ASH1L: variants seen among roughly 807,000 people sequenced by gnomAD.
The protein encoded by ASH1L is histone-lysine N-methyltransferase ASH1L.
Under a neutral mutation model 269.0 loss-of-function variants are expected in ASH1L, and 23 were observed. The ratio of observed to expected loss-of-function variants is 0.09; its 90% CI spans 0.06 to 0.12. The LOEUF is 0.12. Ranked by LOEUF, ASH1L falls within the 10% of genes least tolerant of loss-of-function variation. The pLI is 1.00. For synonymous variants in ASH1L, 1,187 were observed against 1,253.5 expected, an observed-to-expected ratio of 0.95 and a Z score of 1.12; for missense variants, 2,912 against 3,567.8, an observed-to-expected ratio of 0.82 and a Z score of 4.68.
In ASH1L at chr1:155,439,020, T is replaced by G; in HGVS notation, c.5135A>C (p.Asp1712Ala). The G allele has an allele frequency of 6.2e-7, 1 of 1,613,734 alleles. No individual in the cohort carries two copies. Among genetic ancestry groups the G allele is most frequent in the Non-Finnish European group, 8.5e-7 (1 of 1,179,836 alleles). The change falls in exon 5 of 28, where the codon GAC becomes GCC. Residue 1712 changes from aspartate (D) to alanine (A), a missense_variant. By Grantham distance (126) the Asp-to-Ala change is moderately radical (BLOSUM62 -2). Around this residue, in one of 13 missense-constraint regions of ASH1L, gnomAD observed 789 missense variants for 897.6 expected, o/e 0.88. Transcript: ENST00000392403. ...CCGCTGCAGCAGACTATCCACAGAG[T>G]CATCCCCAGAAGCAACTAATCTTGG... The part of the protein sequence containing the change: ...RSPRLVASGD[D>A]SVDSLLQRMV...
intron 5 of ASH1L, among the ~76,000 whole-genome samples, chr1:155,434,681 T>A (rs1661935972): frequency 6.6e-6 from 1 of 151,838 alleles, no homozygotes; most frequent in African/African-American, 2.4e-5. Flanking sequence ...TAAAAACCCG[T>A]CTCTACTAAA....
chr1:155,562,513 C>T lies in ASH1L; in HGVS notation c.-460G>A, dbSNP rs1235401120. Reference sequence around the variant, plus strand: ...GGAGGGAGCGAAGGGCGCCTAGCGCCCCCCTCAACCTTCCACTCCTTCCTC... The same window carrying T: ...GGAGGGAGCGAAGGGCGCCTAGCGCTCCCCTCAACCTTCCACTCCTTCCTC... On this transcript the variant is annotated 5_prime_UTR_variant, in exon 1 of 28. Coordinates refer to ENST00000392403, the MANE Select transcript of ASH1L (RefSeq NM_018489.3). 8.6e-6 allele frequency: 13 copies of T among 1,505,862 alleles called. No homozygotes were observed. The highest frequency in any genetic ancestry group is 1.1e-5 in the Non-Finnish European group (12 of 1,118,154). The allele number at this position is 1,505,862 out of a possible 1,614,324, so 93.3% of individuals were successfully genotyped here.
At chr1:155,339,404 AG>A (rs754719148) in intron 25 of ASH1L, 36 bp from the exon 26 acceptor site, 2 of 1,604,024 alleles carry the variant, frequency 1.2e-6, no homozygotes, top group African/African-American at 2.7e-5. Context: ...AGCATATTGT[AG>A]AAGCTGGGAG....
intron 13 of ASH1L, among the ~76,000 whole-genome samples, chr1:155,358,540 T>C (rs1042011419): frequency 9.9e-5 from 15 of 151,736 alleles, no homozygotes; most frequent in African/African-American, 3.4e-4. Flanking sequence ...TACAAAAAAT[T>C]AGCTGGGTGT....
chr1:155,379,503 C>A (rs1317686742), intron 8 of ASH1L, among the ~76,000 whole-genome samples: 1 of 152,082 alleles, frequency 6.6e-6, no homozygotes, highest in African/African-American at 2.4e-5. Flanking sequence ...AAAATCACTA[C>A]GGGAAACTTT....
chr1:155,452,730 T>C (rs1242496620), intron 4 of ASH1L, among the ~76,000 whole-genome samples: 1 of 152,044 alleles, frequency 6.6e-6, no homozygotes, highest in African/African-American at 2.4e-5. Flanking sequence ...AATTTATATG[T>C]GTTTTTAGTA....
chr1:155,369,519 C>A (rs1226643262), intron 12 of ASH1L, among the ~76,000 whole-genome samples: 4 of 151,802 alleles, frequency 2.6e-5, no homozygotes, highest in Admixed American at 1.3e-4. Flanking sequence ...TAACAAAAAA[C>A]CCCAAAGTTG....
chr1:155,470,095 C>T (rs1664984938), intron 3 of ASH1L, among the ~76,000 whole-genome samples: 1 of 152,182 alleles, frequency 6.6e-6, no homozygotes, highest in Non-Finnish European at 1.5e-5. Context: ...CTCCCTCCTC[C>T]TTCCCAAGAC....
At chr1:155,430,986 G>A (rs983784728) in intron 5 of ASH1L, among the ~76,000 whole-genome samples, 1 of 151,882 alleles carries the variant, frequency 6.6e-6, no homozygotes, top group Admixed American at 6.6e-5. Context: ...AGGCCAAGGT[G>A]GGCAGACTTG....
At chr1:155,496,224 CACAA>C (rs761670312) in intron 2 of ASH1L, among the ~76,000 whole-genome samples, 1 of 151,882 alleles carries the variant, frequency 6.6e-6, no homozygotes, top group Non-Finnish European at 1.5e-5. Context: ...AAAACTAAAA[CACAA>C]ACAAACATTA....
intron 5 of ASH1L, among the ~76,000 whole-genome samples, chr1:155,437,317 T>C (rs1046082456): frequency 1.3e-5 from 2 of 152,288 alleles, no homozygotes; most frequent in Non-Finnish European, 2.9e-5. Flanking sequence ...TCTCTAAAGA[T>C]ACATAAATGG....
chr1:155,407,489 T>G (rs1558071932), intron 6 of ASH1L, among the ~76,000 whole-genome samples: 1 of 152,222 alleles, frequency 6.6e-6, no homozygotes, highest in Non-Finnish European at 1.5e-5. Flanking sequence ...ATTTATTCAC[T>G]GGGCATTATC....
intron 4 of ASH1L, among the ~76,000 whole-genome samples, chr1:155,445,884 G>C (rs956246958): frequency 3.3e-5 from 5 of 151,926 alleles, no homozygotes; most frequent in African/African-American, 1.2e-4. Context: ...GTTTGTGTGT[G>C]TGTACATTTT....
At chr1:155,527,081 G>T (rs569828512) in intron 1 of ASH1L, among the ~76,000 whole-genome samples, 4 of 152,214 alleles carry the variant, frequency 2.6e-5, no homozygotes, top group African/African-American at 9.6e-5. Context: ...GGTGGCGCAT[G>T]CCTGTAATCC....
chr1:155,513,038 G>A (rs1217944646), intron 2 of ASH1L, among the ~76,000 whole-genome samples: 1 of 151,642 alleles, frequency 6.6e-6, no homozygotes, highest in African/African-American at 2.4e-5. Flanking sequence ...CTCCAACCTA[G>A]GCAATAGCAA....
intron 2 of ASH1L, among the ~76,000 whole-genome samples, chr1:155,513,389 G>C (rs909230921): frequency 6.6e-6 from 1 of 151,854 alleles, no homozygotes; most frequent in Non-Finnish European, 1.5e-5. Flanking sequence ...GGGCAACATG[G>C]TGAAACCCCC....
At chr1:155,358,550 T>C (rs1456781155) in intron 13 of ASH1L, among the ~76,000 whole-genome samples, 1 of 151,844 alleles carries the variant, frequency 6.6e-6, no homozygotes, top group Non-Finnish European at 1.5e-5. Flanking sequence ...TAGCTGGGTG[T>C]GGTGACAGGC....
At position 155,368,648 on chromosome 1, in the gene ASH1L, G is replaced by T. The variant is rs191408730; in HGVS notation, c.6686+1856C>A. 1.1e-3 allele frequency among the ~76,000 whole-genome samples: 168 copies of T among 151,762 alleles called. 1 individual carries two copies. The highest frequency in any genetic ancestry group is 4.0e-3 in the African/African-American group (164 of 41,396). The stretch of plus-strand genomic sequence containing the variant: ...ATTTTTGTATTTTTGGTAGAGATGG[G>T]GTTTCACCGTCTTGGCCAGGCTGGT... On this transcript the variant is annotated intron_variant, in intron 12 of 27. Transcript: ENST00000392403.
chr1:155,458,945 CCTCT>C (rs922898630), intron 4 of ASH1L, among the ~76,000 whole-genome samples: 10 of 146,306 alleles, frequency 6.8e-5, no homozygotes, highest in Admixed American at 1.4e-4. Context: ...TATAAATCAT[CCTCT>C]CTCTTTTTTT....
Sources: gnomAD v4.1 joint callset for allele counts (sites outside exome capture counted in the v4.1 genomes callset) on GRCh38, gnomAD v4.1.1 for gene constraint, gnomAD v4.1.1 regional missense constraint, MANE v1.5 for transcripts, NCBI Gene and HGNC (gene_info 2026-07-23, HGNC 2026-07-21) for gene names.